The following CSNK2A2IP variants were observed in gnomAD, a reference collection of about 807,000 sequenced individuals.
CSNK2A2IP encodes casein kinase 2 subunit alpha' interacting protein, also known as casein kinase II subunit alpha'-interacting protein.
the CSNK2A2IP span, among the ~76,000 whole-genome samples, chr3:88,459,092 C>CTATTTATTAG: frequency 2.9e-3 from 437 of 152,126 alleles, 2 homozygotes; most frequent in African/African-American, 9.8e-3. Flanking sequence ...GATAAGTTTT[C>CTATTTATTAG]TATTTATTAG....
chr3:88,419,681 T>C, the CSNK2A2IP span, among the ~76,000 whole-genome samples: 1 of 152,156 alleles, frequency 6.6e-6, no homozygotes, highest in Non-Finnish European at 1.5e-5. Flanking sequence ...GAAAAGGAAG[T>C]AAAATTTTAA....
the CSNK2A2IP span, among the ~76,000 whole-genome samples, chr3:88,359,798 T>G: frequency 4.6e-4 from 70 of 152,290 alleles, no homozygotes; most frequent in Admixed American, 4.6e-3. Flanking sequence ...GGTATGTCCT[T>G]GAGAATGTTC....
At chr3:88,395,128 T>C in the CSNK2A2IP span, among the ~76,000 whole-genome samples, 1 of 152,354 alleles carries the variant, frequency 6.6e-6, no homozygotes. Flanking sequence ...TGCAGACGTA[T>C]ATACACATAC....
chr3:88,414,012 G>A, the CSNK2A2IP span, among the ~76,000 whole-genome samples: 1 of 151,532 alleles, frequency 6.6e-6, no homozygotes, highest in East Asian at 1.9e-4. Context: ...ATTTAACACT[G>A]ATAATCACAG....
the CSNK2A2IP span, among the ~76,000 whole-genome samples, chr3:88,446,604 C>T: frequency 6.6e-6 from 1 of 152,242 alleles, no homozygotes; most frequent in African/African-American, 2.4e-5. Context: ...GATGACTTTT[C>T]CCTAATACTT....
At chr3:88,400,185 T>C in the CSNK2A2IP span, among the ~76,000 whole-genome samples, 4 of 152,112 alleles carry the variant, frequency 2.6e-5, no homozygotes, top group African/African-American at 9.7e-5. Flanking sequence ...AAATGTTAGT[T>C]TCTGAGCCAG....
chr3:88,455,339 T>C, the CSNK2A2IP span, among the ~76,000 whole-genome samples: 3 of 152,044 alleles, frequency 2.0e-5, no homozygotes, highest in African/African-American at 7.2e-5. Flanking sequence ...TACCAGTAGG[T>C]TCTTTTTTCC....
chr3:88,464,328 AAATATATC>A, the CSNK2A2IP span, among the ~76,000 whole-genome samples: 6 of 150,556 alleles, frequency 4.0e-5, no homozygotes, highest in Non-Finnish European at 8.9e-5. Context: ...ATAAATAAAT[AAATATATC>A]TATATATATA....
At chr3:88,457,109 G>A in the CSNK2A2IP span, among the ~76,000 whole-genome samples, 1 of 152,078 alleles carries the variant, frequency 6.6e-6, no homozygotes, top group Admixed American at 6.5e-5. Context: ...GCTTTTTACT[G>A]AGCGAGGATT....
the CSNK2A2IP span, among the ~76,000 whole-genome samples, chr3:88,446,043 T>TC: frequency 6.0e-5 from 2 of 33,446 alleles, no homozygotes; most frequent in East Asian, 6.3e-4. Flanking sequence ...TCTTTCTTTC[T>TC]TTCTTTCTTT....
the CSNK2A2IP span, among the ~76,000 whole-genome samples, chr3:88,370,699 C>A: frequency 6.6e-6 from 1 of 150,788 alleles, no homozygotes; most frequent in Non-Finnish European, 1.5e-5. Flanking sequence ...TTTGATTCTG[C>A]AACTTTCACA....
At chr3:88,462,141 T>A in the CSNK2A2IP span, among the ~76,000 whole-genome samples, 5 of 145,952 alleles carry the variant, frequency 3.4e-5, no homozygotes, top group African/African-American at 7.5e-5. Context: ...ATATATGTAT[T>A]GTAAATTTTT....
At chr3:88,446,030 T>TTTTCTTTCTTTCTCTCTTTC in the CSNK2A2IP span, among the ~76,000 whole-genome samples, 8 of 58,184 alleles carry the variant, frequency 1.4e-4, 1 homozygote, top group East Asian at 1.1e-3. Flanking sequence ...TCTTTGTTTC[T>TTTTCTTTCTTTCTCTCTTTC]TTTCTTTCTT....
the CSNK2A2IP span, among the ~76,000 whole-genome samples, chr3:88,452,241 G>C: frequency 6.6e-6 from 1 of 151,562 alleles, no homozygotes; most frequent in Admixed American, 6.6e-5. Context: ...GAGCAGGTAT[G>C]AGGCTTTATC....
chr3:88,464,661 T>A, the CSNK2A2IP span, among the ~76,000 whole-genome samples: 2 of 152,082 alleles, frequency 1.3e-5, no homozygotes, highest in Admixed American at 1.3e-4. Flanking sequence ...GGTAACTGAA[T>A]CTGAACTGAA....
At chr3:88,444,869 G>T in the CSNK2A2IP span, among the ~76,000 whole-genome samples, 9 of 152,192 alleles carry the variant, frequency 5.9e-5, no homozygotes, top group African/African-American at 2.2e-4. Flanking sequence ...TTTCTATAAG[G>T]TTCTTCCCTT....
chr3:88,450,015 G>T, the CSNK2A2IP span, among the ~76,000 whole-genome samples: 2 of 150,194 alleles, frequency 1.3e-5, no homozygotes, highest in Admixed American at 6.6e-5. Context: ...CTACAGGCTC[G>T]CATGACCACG....
chr3:88,428,842 T>G, the CSNK2A2IP span, among the ~76,000 whole-genome samples: 535 of 152,124 alleles, frequency 3.5e-3, 2 homozygotes, highest in African/African-American at 0.012. Context: ...CATTTCTTAC[T>G]TGCATTTATT....
the CSNK2A2IP span, among the ~76,000 whole-genome samples, chr3:88,460,068 A>G: frequency 2.0e-5 from 3 of 152,134 alleles, no homozygotes; most frequent in Non-Finnish European, 2.9e-5. Flanking sequence ...TATTTATGGT[A>G]CTCTGAAAAT....
Sources: allele counts gnomAD v4.1 joint callset (sites outside exome capture counted in the v4.1 genomes callset), GRCh38; gene constraint gnomAD v4.1.1; transcripts MANE v1.5; gene names NCBI Gene and HGNC (gene_info 2026-07-23, HGNC 2026-07-21).